Variants in PNPLA4 observed in about 807,000 individuals in gnomAD.
PNPLA4 encodes the protein patatin-like phospholipase domain-containing protein 4.
In PNPLA4, 15 loss-of-function variants were observed where a neutral mutation model predicts 18.3. That is an observed-to-expected ratio of 0.82 (90% CI 0.55 to 1.26). The LOEUF (loss-of-function observed/expected upper bound fraction) is 1.26, where lower values mean the gene tolerates loss of function less well. Ranked by LOEUF, PNPLA4 falls within the 50% of genes most tolerant of loss-of-function variation. PNPLA4 has a pLI of 0.00. For missense variants in PNPLA4, 229 were observed against 196.8 expected (o/e 1.16, Z -0.98); for synonymous variants, 88 against 85.6 (o/e 1.03, Z -0.16).
At position 7,902,125 on chromosome X, in the gene PNPLA4, C is replaced by G. The variant is rs1193207518; in HGVS notation, c.494G>C (p.Gly165Ala). The change falls in exon 6 of 7, where the codon GGC (glycine) becomes GCC (alanine). Residue 165 changes from glycine to alanine, a missense_variant. Coordinates refer to ENST00000381042, the MANE Select transcript of PNPLA4 (RefSeq NM_004650.3). The part of the protein sequence containing the change: ...EYKGQKWVDG[G>A]LTNALPILPV... ...CAGGATGGGAAGAGCGTTGGTGAGG[C>G]CTCCGTCCACCCACTTCTGTGGAAA... 8.3e-7 allele frequency: 1 copy of G among 1,202,281 alleles called. No homozygotes were observed. The highest frequency in any genetic ancestry group is 2.3e-5 in the Admixed American group (1 of 44,388).
chrX:7,914,289 G>A (rs773615106), intron 4 of PNPLA4, among the ~76,000 whole-genome samples: 1 of 111,762 alleles, frequency 8.9e-6, no homozygotes, highest in Non-Finnish European at 1.9e-5. Context: ...CAAAGCAGGA[G>A]TGAGTAGCAC....
In PNPLA4 at chrX:7,925,969, C is replaced by G; in HGVS notation, c.151G>C (p.Val51Leu). 1 of 1,211,368 alleles carries G rather than the reference C, an allele frequency of 8.3e-7. No individual in the cohort carries two copies. Residue 51 changes from valine (V) to leucine (L), a missense_variant, in exon 2 of 7, where the codon GTT becomes CTT. Val to Leu is a conservative substitution (Grantham distance 32). Transcript: ENST00000381042. Reference protein sequence around the residue: ...GASAGSLVASVLLTAPEKIEE... With the variant: ...GASAGSLVASLLLTAPEKIEE... ...ATTTTTTCTGGTGCTGTTAGCAGAA[C>G]AGAAGCAACCAACGATCCCGCAGAC... is the stretch of plus-strand genomic sequence containing the variant.
At chrX:7,904,167 C>T (rs1312021172) in intron 5 of PNPLA4, among the ~76,000 whole-genome samples, 11 of 111,725 alleles carry the variant, frequency 9.8e-5, no homozygotes, top group African/African-American at 2.3e-4. Context: ...CTGTCATCAA[C>T]GATGTAAAAA....
intron 5 of PNPLA4, among the ~76,000 whole-genome samples, chrX:7,903,634 G>T (rs1923616491): frequency 9.0e-6 from 1 of 111,252 alleles, no homozygotes; most frequent in East Asian, 2.8e-4. Flanking sequence ...GACAAAATGA[G>T]TGGTATTACA....
chrX:7,903,441 A>C (rs1323429651), intron 5 of PNPLA4, among the ~76,000 whole-genome samples: 2 of 110,521 alleles, frequency 1.8e-5, no homozygotes, highest in African/African-American at 6.6e-5. Flanking sequence ...CTGGGACTAC[A>C]GGCGCCCGCC....
At chrX:7,912,491 T>A (rs778661402) in intron 4 of PNPLA4, among the ~76,000 whole-genome samples, 13 of 112,135 alleles carry the variant, frequency 1.2e-4, no homozygotes, top group African/African-American at 3.9e-4. Context: ...AGCCCTCCGA[T>A]TATGACAGGA....
intron 5 of PNPLA4, among the ~76,000 whole-genome samples, chrX:7,902,964 A>C (rs1455301324): frequency 8.9e-6 from 1 of 111,862 alleles, no homozygotes; most frequent in Non-Finnish European, 1.9e-5. Flanking sequence ...GCACTCAATA[A>C]ACACAACACA....
intron 5 of PNPLA4, among the ~76,000 whole-genome samples, chrX:7,911,756 G>A (rs1305708280): frequency 9.1e-6 from 1 of 109,642 alleles, no homozygotes; most frequent in East Asian, 2.9e-4. Context: ...TTTACTAGGT[G>A]GAAAAAAAAT....
chrX:7,907,554 A>C (rs763110563), intron 5 of PNPLA4, among the ~76,000 whole-genome samples: 1 of 112,369 alleles, frequency 8.9e-6, no homozygotes, highest in East Asian at 2.8e-4. Flanking sequence ...TGTAGTAAAG[A>C]AAAATCATTA....
chrX:7,902,007 G>A lies in PNPLA4; in HGVS notation c.612C>T (p.Ile204=), dbSNP rs1311926115. The change falls in exon 6 of 7, where the codon ATC becomes ATT. Residue 204 remains isoleucine (I), a synonymous_variant. Coordinates refer to ENST00000381042, the MANE Select transcript of PNPLA4 (RefSeq NM_004650.3). ...DKGQLDLYVN[I]AKQDIMLSLA... ...TACTCACCATGATATCCTGCTTGGC[G>A]ATATTAACATACAGATCTAGCTGCC... 2 of 1,207,420 alleles carry A rather than the reference G, an allele frequency of 1.7e-6. No individual in the cohort carries two copies. Among genetic ancestry groups the A allele is most frequent in the South Asian group, 1.8e-5 (1 of 56,205 alleles).
At position 7,926,148 on chromosome X, in the gene PNPLA4, A is replaced by C. The variant is rs1170658445; in HGVS notation, c.-13-16T>G. On this transcript the variant is annotated splice_polypyrimidine_tract_variant and intron_variant, in intron 1 of 6. Transcript: ENST00000381042. ...AGCTGTAGCACTGGCAATACAAAAAACAAAAATGCTGTAAGTTGGAATAGT... is the reference window on the plus strand; with the variant it reads ...AGCTGTAGCACTGGCAATACAAAAACCAAAAATGCTGTAAGTTGGAATAGT... 10 of 1,148,115 alleles carry C rather than the reference A, an allele frequency of 8.7e-6. No homozygotes were observed. Among genetic ancestry groups the C allele is most frequent in the Non-Finnish European group, 1.2e-5 (10 of 845,548 alleles). 94.6% of individuals were successfully genotyped at this position (1,148,115 alleles called of 1,213,427 possible).
At chrX:7,914,733 A>G (rs1381365013) in intron 4 of PNPLA4, among the ~76,000 whole-genome samples, 1 of 110,341 alleles carries the variant, frequency 9.1e-6, no homozygotes, top group Non-Finnish European at 1.9e-5. Flanking sequence ...CTAACCTTAG[A>G]ATTATGTTTT....
chrX:7,927,035 C>G (rs1202217575), intron 1 of PNPLA4, among the ~76,000 whole-genome samples: 1 of 113,010 alleles, frequency 8.8e-6, no homozygotes, highest in Non-Finnish European at 1.9e-5. Context: ...GGGCAGGTGG[C>G]TCGGCCGCCG....
At chrX:7,921,591 C>T in intron 4 of PNPLA4, 122 bp downstream of exon 4, 1 of 626,542 alleles carries the variant, frequency 1.6e-6, no homozygotes. Flanking sequence ...GAGCACTCAA[C>T]CATCTATCGG....
chrX:7,923,591 C>T (rs1333539304), intron 2 of PNPLA4, among the ~76,000 whole-genome samples: 1 of 112,033 alleles, frequency 8.9e-6, no homozygotes, highest in Non-Finnish European at 1.9e-5. Context: ...CAACCTCCAA[C>T]CTCATGGGTT....
chrX:7,902,033 C>T lies in PNPLA4; in HGVS notation c.586G>A (p.Gly196Arg). The change falls in exon 6 of 7, where the codon GGG becomes AGG. Residue 196 changes from glycine to arginine, a missense_variant. Coordinates refer to ENST00000381042, the MANE Select transcript of PNPLA4 (RefSeq NM_004650.3). Reference protein sequence around the residue: ...GRLDISPQDKGQLDLYVNIAK... With the variant: ...GRLDISPQDKRQLDLYVNIAK... ...ATATTAACATACAGATCTAGCTGCC[C>T]TTTGTCCTGCGGGGAGATGTCCAGT... 1 of 1,209,056 alleles carries T rather than the reference C, an allele frequency of 8.3e-7. No individual in the cohort carries two copies.
chrX:7,922,617 C>T (rs140368993), intron 2 of PNPLA4, among the ~76,000 whole-genome samples: 246 of 112,137 alleles, frequency 2.2e-3, no homozygotes, highest in African/African-American at 7.8e-3. Flanking sequence ...ATGCTCATGT[C>T]TACCCTGGAC....
intron 4 of PNPLA4, among the ~76,000 whole-genome samples, chrX:7,917,776 T>C (rs769062834): frequency 2.8e-4 from 31 of 111,090 alleles, no homozygotes; most frequent in Non-Finnish European, 4.5e-4. Flanking sequence ...GGGACACTCA[T>C]AAAACAAGTA....
In PNPLA4 at chrX:7,925,953, G is replaced by A. The variant is rs761058509; in HGVS notation, c.167C>T (p.Pro56Leu). 2.4e-5 allele frequency: 29 copies of A among 1,205,120 alleles called. No homozygotes were observed. Among genetic ancestry groups the A allele is most frequent in the Non-Finnish European group, 2.9e-5 (26 of 892,513 alleles). The change falls in exon 2 of 7, where the codon CCA becomes CTA. Residue 56 changes from proline to leucine, a missense_variant. By Grantham distance (98) the Pro-to-Leu change is moderately conservative. Transcript: ENST00000381042. Reference protein sequence around the residue: ...SLVASVLLTAPEKIEECNQFT... With the variant: ...SLVASVLLTALEKIEECNQFT... The stretch of plus-strand genomic sequence containing the variant: ...CTACTTAATTACCTCTATTTTTTCT[G>A]GTGCTGTTAGCAGAACAGAAGCAAC...
Sources: allele counts gnomAD v4.1 joint callset (sites outside exome capture counted in the v4.1 genomes callset), GRCh38; gene constraint gnomAD v4.1.1; transcripts MANE v1.5; gene names NCBI Gene and HGNC (gene_info 2026-07-23, HGNC 2026-07-21).